The following BCCIP variants were observed in gnomAD, a reference collection of about 807,000 sequenced individuals.
The protein encoded by BCCIP is BRCA2 and CDKN1A interacting protein.
BCCIP carries 23 observed loss-of-function variants against 32.8 expected under a neutral mutation model. The ratio of observed to expected loss-of-function variants is 0.70; its 90% CI spans 0.51 to 0.99. BCCIP has a LOEUF of 0.99. Ranked by LOEUF, BCCIP falls within the 50% of genes least tolerant of loss-of-function variation. The pLI is 0.00. For synonymous variants in BCCIP, 144 were observed against 137.6 expected, an observed-to-expected ratio of 1.05 and a Z score of -0.33; for missense variants, 378 against 379.8, an observed-to-expected ratio of 1.00 and a Z score of 0.04.
chr10:125,833,220 A>G (rs965383928), intron 5 of BCCIP, among the ~76,000 whole-genome samples: 4 of 152,116 alleles, frequency 2.6e-5, no homozygotes, highest in African/African-American at 9.7e-5. Flanking sequence ...GCACAAGGCT[A>G]TGTTTAATTT....
intron 1 of BCCIP, among the ~76,000 whole-genome samples, chr10:125,824,109 T>C (rs191311466): frequency 2.4e-4 from 37 of 152,312 alleles, no homozygotes; most frequent in Middle Eastern, 3.4e-3. Flanking sequence ...CGGCACTCAC[T>C]TGGGCCCTCA....
intron 3 of BCCIP, among the ~76,000 whole-genome samples, chr10:125,830,268 CTT>C (rs1854491742): frequency 6.6e-6 from 1 of 152,108 alleles, no homozygotes; most frequent in Non-Finnish European, 1.5e-5. Flanking sequence ...AAGAAAATGA[CTT>C]AATCTGGTAC....
At chr10:125,849,479 C>T (rs1434528199) in intron 7 of BCCIP, among the ~76,000 whole-genome samples, 3 of 152,216 alleles carry the variant, frequency 2.0e-5, no homozygotes, top group Non-Finnish European at 4.4e-5. Flanking sequence ...CTCTTTTTCA[C>T]ACCCCCTCAT....
chr10:125,852,586 G>A lies in BCCIP; in HGVS notation c.851-539G>A, dbSNP rs747199233. 1.9e-6 allele frequency: 3 copies of A among 1,613,858 alleles called. No individual in the cohort carries two copies. Among genetic ancestry groups the A allele is most frequent in the South Asian group, 2.2e-5 (2 of 91,026 alleles). On this transcript the variant is annotated intron_variant, in intron 7 of 7. Transcript: ENST00000368759. ...GAATCTGCTTGCGTATCTCTGCCTG[G>A]CTCTGGCTGATGGGCTGCATGACGA...
intron 4 of BCCIP, 49 bp downstream of exon 4, chr10:125,830,700 C>T (rs773016276): frequency 7.0e-6 from 8 of 1,147,268 alleles, no homozygotes; most frequent in Non-Finnish European, 1.0e-5. Context: ...AGGCCAAAAC[C>T]ACTTTTATTT....
downstream of BCCIP, chr10:125,841,138 T>G: frequency 2.9e-6 from 4 of 1,382,458 alleles, no homozygotes; most frequent in South Asian, 5.5e-5. Context: ...CTTGTTTACT[T>G]AGAAATCCCA....
intron 6 of BCCIP, among the ~76,000 whole-genome samples, chr10:125,834,835 A>AAAAAC (rs1554894004): frequency 3.5e-5 from 5 of 142,400 alleles, no homozygotes; most frequent in Non-Finnish European, 7.9e-5. Flanking sequence ...CAAACAAAAA[A>AAAAAC]CACAAAAACA....
At chr10:125,851,947 GA>G (rs1292799877) in intron 7 of BCCIP, among the ~76,000 whole-genome samples, 1 of 140,416 alleles carries the variant, frequency 7.1e-6, no homozygotes, top group African/African-American at 2.6e-5. Context: ...AAAAAGAAAA[GA>G]AAAAAGGACA....
rs534563078 is a variant in BCCIP at position 125,848,273 on chromosome 10, C to A, written c.851-4852C>A. Among the ~76,000 whole-genome samples the A allele has an allele frequency of 6.6e-5, 10 of 152,282 alleles. No individual in the cohort carries two copies. In the South Asian group the frequency reaches 2.1e-3, roughly 32 times the overall value. The stretch of plus-strand genomic sequence containing the variant: ...TGAAGAGGACAGGGAGGAAAGGCTT[C>A]TGCTTCACTTAATTTCACAGGGACA... On this transcript the variant is annotated intron_variant, in intron 7 of 7. Coordinates refer to the BCCIP transcript ENST00000368759.
At chr10:125,849,999 C>T (rs1767401900) in intron 7 of BCCIP, among the ~76,000 whole-genome samples, 1 of 152,074 alleles carries the variant, frequency 6.6e-6, no homozygotes, top group South Asian at 2.1e-4. Context: ...CAGGGTCTTG[C>T]TCTGTCACCC....
intron 7 of BCCIP, among the ~76,000 whole-genome samples, chr10:125,849,553 A>G (rs946228836): frequency 1.3e-5 from 2 of 152,294 alleles, no homozygotes; most frequent in Non-Finnish European, 2.9e-5. Context: ...TCATTAACTT[A>G]AAAACCTAGG....
downstream of BCCIP, among the ~76,000 whole-genome samples, chr10:125,847,095 G>A (rs376792107): frequency 4.6e-5 from 7 of 151,982 alleles, no homozygotes; most frequent in East Asian, 5.8e-4. Context: ...AGTCCACAGG[G>A]GGAGACTCTA....
At chr10:125,852,059 T>G (rs545927382) in intron 7 of BCCIP, among the ~76,000 whole-genome samples, 1 of 152,186 alleles carries the variant, frequency 6.6e-6, no homozygotes, top group Non-Finnish European at 1.5e-5. Context: ...TGCTGCAGTG[T>G]CCAACAGCAG....
intron 3 of BCCIP, among the ~76,000 whole-genome samples, chr10:125,828,464 T>C (rs1453468493): frequency 6.6e-6 from 1 of 151,966 alleles, no homozygotes; most frequent in African/African-American, 2.4e-5. Context: ...CGATGAGTAA[T>C]ATAAGTGGCA....
At chr10:125,840,810 G>T (rs769230404), downstream of BCCIP, 2 of 1,534,482 alleles carry the variant, frequency 1.3e-6, no homozygotes, top group South Asian at 2.5e-5. Context: ...GGGAAAGGAA[G>T]GTGGAATTAA....
At chr10:125,843,390 C>T (rs11244668), downstream of BCCIP, among the ~76,000 whole-genome samples, 54,427 of 151,954 alleles carry the variant, frequency 0.36, 10,563 homozygotes, top group Non-Finnish European at 0.45. Flanking sequence ...GCGGGAGGAT[C>T]ACCAGGTCAG....
In BCCIP at chr10:125,851,001, G is replaced by C. The variant is rs1028253112; in HGVS notation, c.851-2124G>C. Among the ~76,000 whole-genome samples, 4 of 152,326 alleles carry C rather than the reference G, an allele frequency of 2.6e-5. No homozygotes were observed. In the South Asian group the frequency reaches 8.3e-4, roughly 32 times the overall value. On this transcript the variant is annotated intron_variant, in intron 7 of 7. Coordinates refer to the BCCIP transcript ENST00000368759. Reference sequence around the variant, plus strand: ...GACAGTGACTGTGTCATTCAGGATGGAGGTCAATTGTCAGGCAGCCAAGGA... The same window carrying C: ...GACAGTGACTGTGTCATTCAGGATGCAGGTCAATTGTCAGGCAGCCAAGGA...
At chr10:125,835,764 G>A (rs867079279) in intron 6 of BCCIP, among the ~76,000 whole-genome samples, 123 of 152,292 alleles carry the variant, frequency 8.1e-4, no homozygotes, top group African/African-American at 2.9e-3. Context: ...TTGAAGACAA[G>A]TTCTTGTTAA....
At chr10:125,836,585 G>A, downstream of BCCIP, 1 of 1,445,536 alleles carries the variant, frequency 6.9e-7, no homozygotes, top group South Asian at 1.4e-5. Context: ...AGACCGTCCT[G>A]TGGATGTGAA....
Sources: gnomAD v4.1 joint callset for allele counts (sites outside exome capture counted in the v4.1 genomes callset) on GRCh38, gnomAD v4.1.1 for gene constraint, MANE v1.5 for transcripts, NCBI Gene and HGNC (gene_info 2026-07-23, HGNC 2026-07-21) for gene names.